ZNF678: variants seen among roughly 807,000 people sequenced by gnomAD.
ZNF678 encodes zinc finger protein 678.
ZNF678 carries 5 observed loss-of-function variants against 3.0 expected under a neutral mutation model. That is an observed-to-expected ratio of 1.69 (90% CI 0.88 to 3.56). The LOEUF is 3.56. Ranked by LOEUF, ZNF678 falls within the 30% of genes most tolerant of loss-of-function variation. The pLI is 0.00. For synonymous variants in ZNF678, 218 were observed against 199.6 expected, an observed-to-expected ratio of 1.09 and a Z score of -0.78; for missense variants, 593 against 605.0, an observed-to-expected ratio of 0.98 and a Z score of 0.21.
chr1:227,642,659 T>A lies in ZNF678; in HGVS notation c.-163-3885T>A, dbSNP rs116772172. Among the ~76,000 whole-genome samples the A allele has an allele frequency of 4.0e-3, 604 of 152,118 alleles. 5 individuals are homozygous for A. The highest frequency in any genetic ancestry group is 0.014 in the African/African-American group (587 of 41,484). The stretch of plus-strand genomic sequence containing the variant: ...TCCTGCCTGATTCATCATGGGGATA[T>A]CAGCCTAGGCTTACTGGAACCCCTC... On this transcript the variant is annotated intron_variant, in intron 1 of 3. Transcript: ENST00000343776.
At chr1:227,570,732 A>G (rs1176155050) in intron 1 of ZNF678, among the ~76,000 whole-genome samples, 1 of 151,854 alleles carries the variant, frequency 6.6e-6, no homozygotes, top group African/African-American at 2.4e-5. Context: ...CATCATCTTG[A>G]TAATGTCACT....
downstream of ZNF678, among the ~76,000 whole-genome samples, chr1:227,678,390 T>C (rs1659718475): frequency 6.6e-6 from 1 of 152,130 alleles, no homozygotes. Context: ...TTTCCCACAT[T>C]CCAGAGCTCA....
chr1:227,601,837 A>G (rs1164553097), intron 1 of ZNF678, among the ~76,000 whole-genome samples: 2 of 152,190 alleles, frequency 1.3e-5, no homozygotes, highest in East Asian at 3.8e-4. Flanking sequence ...TGCTGGGATT[A>G]CAGGTGTGAG....
chr1:227,646,519 A>G (rs1456316299), intron 1 of ZNF678, 25 bp from the exon 2 acceptor site: 1 of 1,325,084 alleles, frequency 7.5e-7, no homozygotes, highest in Non-Finnish European at 9.9e-7. Context: ...TTTTGTAAAT[A>G]CGTGTGTATT....
rs1659081062 is a variant in ZNF678 at position 227,651,094 on chromosome 1, T to C, written c.85+18T>C. 6.2e-7 allele frequency: 1 copy of C among 1,611,668 alleles called. No homozygotes were observed. The highest frequency in any genetic ancestry group is 8.5e-7 in the Non-Finnish European group (1 of 1,178,652). On this transcript the variant is annotated intron_variant, in intron 3 of 3. Coordinates refer to ENST00000343776, the MANE Select transcript of ZNF678 (RefSeq NM_001367909.1). ...TTATACAGGTAAAGATTTTATCCTA[T>C]TGGGTCTCCAGGCTGATGAGATCTT...
chr1:227,586,229 TAGTC>T (rs1657260811), intron 1 of ZNF678, among the ~76,000 whole-genome samples: 1 of 152,056 alleles, frequency 6.6e-6, no homozygotes, highest in African/African-American at 2.4e-5. Flanking sequence ...AAAAAATAAT[TAGTC>T]ATTCAAATGA....
intron 1 of ZNF678, among the ~76,000 whole-genome samples, chr1:227,630,783 T>C (rs10753437): frequency 0.22 from 32,751 of 152,036 alleles, 3,996 homozygotes; most frequent in African/African-American, 0.33. Context: ...GGGGTCCTTA[T>C]TAGTTGGGGA....
At chr1:227,632,183 A>G (rs1332579761) in intron 1 of ZNF678, among the ~76,000 whole-genome samples, 1 of 152,182 alleles carries the variant, frequency 6.6e-6, no homozygotes, top group Non-Finnish European at 1.5e-5. Flanking sequence ...TGGGAGGGAC[A>G]CCAGGGGAAA....
chr1:227,591,203 C>T (rs769282487), intron 1 of ZNF678, among the ~76,000 whole-genome samples: 15 of 151,636 alleles, frequency 9.9e-5, no homozygotes, highest in African/African-American at 2.7e-4. Flanking sequence ...TCTCAAACCA[C>T]GATATTTACT....
At chr1:227,582,487 A>ATTTTTTTTTTTTTTT (rs59111806) in intron 1 of ZNF678, 1 of 111,752 alleles carries the variant, frequency 8.9e-6, no homozygotes, top group African/African-American at 3.6e-5. Flanking sequence ...TGCCCAGCTA[A>ATTTTTTTTTTTTTTT]TTTTTTTTTT....
intron 1 of ZNF678, among the ~76,000 whole-genome samples, chr1:227,601,623 G>T (rs1657741359): frequency 6.6e-6 from 1 of 151,848 alleles, no homozygotes; most frequent in Non-Finnish European, 1.5e-5. Flanking sequence ...GAAGTGCAGT[G>T]GTGCAATCTT....
intron 1 of ZNF678, among the ~76,000 whole-genome samples, chr1:227,611,091 T>C (rs1306155024): frequency 6.6e-6 from 1 of 152,194 alleles, no homozygotes; most frequent in Non-Finnish European, 1.5e-5. Context: ...TCAGGTGCAG[T>C]TCACTTTTAC....
At position 227,659,162 on chromosome 1, in the gene ZNF678, C is replaced by T. The variant is rs1371572891; in HGVS notation, c.*3334C>T. Reference sequence around the variant, plus strand: ...AATTTTTCAAATTTAATTTAAATTTCTAAATGCTTCTGTGGATTTAAATTT... The same window carrying T: ...AATTTTTCAAATTTAATTTAAATTTTTAAATGCTTCTGTGGATTTAAATTT... On this transcript the variant is annotated 3_prime_UTR_variant, in exon 4 of 4. Transcript: ENST00000343776. The T allele has an allele frequency of 6.6e-6, 1 of 151,894 alleles. No homozygotes were observed. The highest frequency in any genetic ancestry group is 2.4e-5 in the African/African-American group (1 of 41,364). The allele number at this position is 151,894 out of a possible 1,614,324, so 9.4% of individuals were successfully genotyped here.
chr1:227,659,314 C>A lies in ZNF678; in HGVS notation c.*3486C>A, dbSNP rs1252353136. On this transcript the variant is annotated 3_prime_UTR_variant, in exon 4 of 4. Transcript: ENST00000343776. ...TTTATATAAATAATCACATAACAAG[C>A]CAATTCCTTAGTCATTTTCTGTATT... The A allele has an allele frequency of 1.3e-5, 2 of 152,092 alleles. No individual in the cohort carries two copies. Among genetic ancestry groups the A allele is most frequent in the African/African-American group, 4.8e-5 (2 of 41,428 alleles). The allele number at this position is 152,092 out of a possible 1,614,324, so 9.4% of individuals were successfully genotyped here. A position where few individuals can be genotyped will look rare whatever the true frequency, so the allele number is the denominator to read the frequency against.
chr1:227,675,367 T>A (rs898226224), intron 5 of ZNF678, among the ~76,000 whole-genome samples: 1 of 152,194 alleles, frequency 6.6e-6, no homozygotes, highest in African/African-American at 2.4e-5. Flanking sequence ...AAAGTTAATT[T>A]CTATTGTTTA....
At position 227,599,125 on chromosome 1, in the gene ZNF678, A is replaced by G. The variant is rs1657668864; in HGVS notation, c.-164+35401A>G. 5 of 1,514,346 alleles carry G rather than the reference A, an allele frequency of 3.3e-6. No homozygotes were observed. In the South Asian group the frequency reaches 3.4e-5, roughly 10 times the overall value. The allele number at this position is 1,514,346 out of a possible 1,614,324, so 93.8% of individuals were successfully genotyped here. On this transcript the variant is annotated intron_variant, in intron 1 of 3. Transcript: ENST00000343776. ...ATCTCGCCATTGCTATTGGGTTTAT[A>G]TAGGCCAGGATGTAGAACATATTCC... is the stretch of plus-strand genomic sequence containing the variant.
downstream of ZNF678, among the ~76,000 whole-genome samples, chr1:227,678,526 C>T (rs1187304833): frequency 6.6e-6 from 1 of 152,184 alleles, no homozygotes; most frequent in South Asian, 2.1e-4. Context: ...TCCTAAACAT[C>T]ACTGGTGAGT....
At chr1:227,606,354 A>T (rs1371547655) in intron 1 of ZNF678, among the ~76,000 whole-genome samples, 1 of 152,200 alleles carries the variant, frequency 6.6e-6, no homozygotes, top group Non-Finnish European at 1.5e-5. Flanking sequence ...GGATGTACAC[A>T]TAGGCTAGAT....
rs543100472 is a variant in ZNF678, at chr1:227,628,776, A to G, written c.-163-17768A>G. On this transcript the variant is annotated intron_variant, in intron 1 of 3. Transcript: ENST00000343776. ...TAAATCATCCACATACCAAAGGACA[A>G]GAGTGTCCAAGTATGAGAACTGGCT... Among the ~76,000 whole-genome samples the G allele has an allele frequency of 5.3e-5, 8 of 152,360 alleles. No individual in the cohort carries two copies. In the South Asian group the frequency reaches 1.7e-3, roughly 32 times the overall value.
Sources: allele counts gnomAD v4.1 joint callset (sites outside exome capture counted in the v4.1 genomes callset), GRCh38; gene constraint gnomAD v4.1.1; transcripts MANE v1.5; gene names NCBI Gene and HGNC (gene_info 2026-07-23, HGNC 2026-07-21).